The following MEF2C variants were observed in gnomAD, a reference collection of about 807,000 sequenced individuals.
MEF2C encodes myocyte enhancer factor 2C.
In MEF2C, 6 loss-of-function variants were observed where a neutral mutation model predicts 50.5. The ratio of observed to expected loss-of-function variants is 0.12; its 90% CI spans 0.07 to 0.23. The LOEUF (loss-of-function observed/expected upper bound fraction) is 0.23, where lower values mean the gene tolerates loss of function less well. Ranked by LOEUF, MEF2C falls within the 10% of genes least tolerant of loss-of-function variation. MEF2C has a pLI of 1.00. For synonymous variants in MEF2C, 183 were observed against 228.0 expected (o/e 0.80, Z 1.78); for missense variants, 276 against 605.0 (o/e 0.46, Z 5.70).
intron 1 of MEF2C, chr5:88,824,227 T>C: frequency 1.0e-6 from 1 of 976,006 alleles, no homozygotes; most frequent in Non-Finnish European, 1.2e-6. Flanking sequence ...AAAAGTTTCC[T>C]AATCTTTTTA....
chr5:88,779,499 G>A (rs1195298349), intron 3 of MEF2C, among the ~76,000 whole-genome samples: 2 of 152,048 alleles, frequency 1.3e-5, no homozygotes, highest in African/African-American at 4.8e-5. Flanking sequence ...TCTGACACAG[G>A]AACTTGTGCA....
chr5:88,748,743 A>G, intron 6 of MEF2C: 3 of 980,168 alleles, frequency 3.1e-6, no homozygotes, highest in Non-Finnish European at 3.6e-6. Context: ...AATGATTAAC[A>G]GAGAACACAA....
At chr5:88,744,087 CT>C (rs1455587044) in intron 6 of MEF2C, 2 of 983,970 alleles carry the variant, frequency 2.0e-6, no homozygotes, top group East Asian at 1.1e-4. Flanking sequence ...GTCCTTTCTA[CT>C]CAATAAAAGG....
intron 1 of MEF2C, among the ~76,000 whole-genome samples, chr5:88,866,762 T>G (rs917925992): frequency 6.6e-6 from 1 of 152,254 alleles, no homozygotes; most frequent in Non-Finnish European, 1.5e-5. Flanking sequence ...TTTCCTTTTT[T>G]AACTACAAAG....
intron 6 of MEF2C, chr5:88,738,863 C>T: frequency 1.0e-6 from 1 of 985,304 alleles, no homozygotes; most frequent in East Asian, 1.1e-4. Flanking sequence ...AACCATATTT[C>T]TGGTCTCTTT....
At chr5:88,862,557 A>C (rs373815134) in intron 1 of MEF2C, among the ~76,000 whole-genome samples, 56 of 152,170 alleles carry the variant, frequency 3.7e-4, no homozygotes, top group African/African-American at 1.0e-3. Context: ...GAAAAAAAAA[A>C]CCCGAGAAAT....
chr5:88,853,153 G>T (rs1822014582), intron 1 of MEF2C, among the ~76,000 whole-genome samples: 1 of 152,150 alleles, frequency 6.6e-6, no homozygotes, highest in Non-Finnish European at 1.5e-5. Flanking sequence ...GAGCCTAGAA[G>T]TTCAAGGCTG....
intron 10 of MEF2C, among the ~76,000 whole-genome samples, chr5:88,725,787 TAA>T (rs1758445770): frequency 6.6e-6 from 1 of 152,188 alleles, no homozygotes; most frequent in African/African-American, 2.4e-5. Flanking sequence ...TAACCTTTTA[TAA>T]GTCATCTCTA....
intron 3 of MEF2C, among the ~76,000 whole-genome samples, chr5:88,779,472 A>G (rs1166683728): frequency 6.6e-6 from 1 of 152,124 alleles, no homozygotes; most frequent in Non-Finnish European, 1.5e-5. Context: ...GATAGAAATC[A>G]ATGAAAGTTT....
chr5:88,899,957 A>G (rs576085492), intron 1 of MEF2C, among the ~76,000 whole-genome samples: 35 of 152,188 alleles, frequency 2.3e-4, no homozygotes, highest in African/African-American at 7.9e-4. Context: ...ATTTCCCTCC[A>G]TATTTTTTCT....
At chr5:88,742,042 T>C in intron 6 of MEF2C, 1 of 985,392 alleles carries the variant, frequency 1.0e-6, no homozygotes. Context: ...TAAGTGTAAC[T>C]GCAAAATTTA....
chr5:88,845,261 C>CAAA (rs1818891622), intron 1 of MEF2C, among the ~76,000 whole-genome samples: 1 of 152,132 alleles, frequency 6.6e-6, no homozygotes, highest in African/African-American at 2.4e-5. Context: ...CTTCAAATTG[C>CAAA]CAAAAGACCC....
intron 1 of MEF2C, among the ~76,000 whole-genome samples, chr5:88,890,767 G>T (rs564378547): frequency 6.6e-6 from 1 of 152,328 alleles, no homozygotes; most frequent in East Asian, 1.9e-4. Flanking sequence ...TTTAAAGTCA[G>T]ACTTTCAGTA....
At chr5:88,787,483 C>T (rs942299349) in intron 3 of MEF2C, among the ~76,000 whole-genome samples, 2 of 152,156 alleles carry the variant, frequency 1.3e-5, no homozygotes, top group African/African-American at 4.8e-5. Context: ...TTACATAACT[C>T]GCCCTCCGTT....
intron 3 of MEF2C, among the ~76,000 whole-genome samples, chr5:88,797,037 C>G (rs764737457): frequency 2.6e-5 from 4 of 152,144 alleles, no homozygotes; most frequent in Non-Finnish European, 4.4e-5. Context: ...GAGTGTTTTA[C>G]TTCCAATTAT....
intron 6 of MEF2C, chr5:88,741,555 G>A (rs1766794565): frequency 3.0e-6 from 3 of 985,256 alleles, no homozygotes; most frequent in Non-Finnish European, 3.6e-6. Context: ...CTTAATATTA[G>A]AGCCAACTAA....
chr5:88,881,993 C>CA (rs1163424669), intron 1 of MEF2C, among the ~76,000 whole-genome samples: 1 of 151,570 alleles, frequency 6.6e-6, no homozygotes, highest in Non-Finnish European at 1.5e-5. Flanking sequence ...TAAAATGTGA[C>CA]AAAAAAAGGC....
chr5:88,738,096 T>C (rs993855299), intron 6 of MEF2C: 2 of 985,162 alleles, frequency 2.0e-6, no homozygotes, highest in East Asian at 2.3e-4. Flanking sequence ...AAAAAAAAGA[T>C]AAGGCAGAGT....
chr5:88,735,654 A>C, intron 6 of MEF2C: 1 of 984,828 alleles, frequency 1.0e-6, no homozygotes, highest in Non-Finnish European at 1.2e-6. Flanking sequence ...GTATATACTC[A>C]TATTAGTGTC....
Sources: gnomAD v4.1 joint callset for allele counts (sites outside exome capture counted in the v4.1 genomes callset) on GRCh38, gnomAD v4.1.1 for gene constraint, MANE v1.5 for transcripts, NCBI Gene and HGNC (gene_info 2026-07-23, HGNC 2026-07-21) for gene names.